RSPO2: variants seen among roughly 807,000 people sequenced by gnomAD.
RSPO2 encodes R-spondin-2.
In RSPO2, 14 loss-of-function variants were observed where a neutral mutation model predicts 30.9. That is an observed-to-expected ratio of 0.45 (90% CI 0.30 to 0.71). The LOEUF (loss-of-function observed/expected upper bound fraction) is 0.71. Ranked by LOEUF, RSPO2 falls within the 30% of genes least tolerant of loss-of-function variation. The probability of loss-of-function intolerance (pLI) is 0.08; values close to 1 mark genes in which losing one functional copy is unlikely to be tolerated. For missense variants in RSPO2, 264 were observed against 301.9 expected, an observed-to-expected ratio of 0.87 and a Z score of 0.93; for synonymous variants, 107 against 96.4, an observed-to-expected ratio of 1.11 and a Z score of -0.64.
At chr8:107,926,494 A>G (rs558239873) in intron 5 of RSPO2, among the ~76,000 whole-genome samples, 271 of 151,850 alleles carry the variant, frequency 1.8e-3, no homozygotes, top group Middle Eastern at 6.8e-3. Context: ...TGTCCAGAAT[A>G]GTATTGCCTA....
At chr8:107,992,794 C>T (rs966822234) in intron 2 of RSPO2, among the ~76,000 whole-genome samples, 12 of 151,998 alleles carry the variant, frequency 7.9e-5, no homozygotes, top group Non-Finnish European at 4.4e-5. Flanking sequence ...ATTAGATAGC[C>T]GAGATACTAT....
chr8:107,985,551 T>C (rs1016656733), intron 3 of RSPO2, among the ~76,000 whole-genome samples: 1 of 152,196 alleles, frequency 6.6e-6, no homozygotes, highest in African/African-American at 2.4e-5. Context: ...CAAATACTCA[T>C]AGAAACAAAA....
At chr8:107,909,474 G>A (rs991579495) in intron 5 of RSPO2, among the ~76,000 whole-genome samples, 7 of 151,954 alleles carry the variant, frequency 4.6e-5, no homozygotes, top group Non-Finnish European at 5.9e-5. Flanking sequence ...TGTTGGTCAG[G>A]CTGGTCTCAA....
At chr8:108,031,650 A>T (rs1478303819) in intron 2 of RSPO2, among the ~76,000 whole-genome samples, 1 of 152,232 alleles carries the variant, frequency 6.6e-6, no homozygotes, top group Non-Finnish European at 1.5e-5. Flanking sequence ...TGAATAGATT[A>T]AAAACAATGT....
chr8:108,050,350 G>A (rs1204338650), intron 2 of RSPO2, among the ~76,000 whole-genome samples: 1 of 152,086 alleles, frequency 6.6e-6, no homozygotes, highest in African/African-American at 2.4e-5. Flanking sequence ...AAGAGTTTGT[G>A]CAAGAGTGAG....
At chr8:107,915,522 G>A (rs572812628) in intron 5 of RSPO2, among the ~76,000 whole-genome samples, 16 of 152,256 alleles carry the variant, frequency 1.1e-4, no homozygotes, top group African/African-American at 3.6e-4. Context: ...AGAATAGAAG[G>A]ATAGTTTGGA....
intron 5 of RSPO2, among the ~76,000 whole-genome samples, chr8:107,906,204 T>G (rs2130254040): frequency 6.6e-6 from 1 of 151,976 alleles, no homozygotes; most frequent in African/African-American, 2.4e-5. Context: ...TAATCTAAAC[T>G]TGGACAAAGA....
At chr8:107,927,347 G>T (rs1360202248) in intron 5 of RSPO2, among the ~76,000 whole-genome samples, 1 of 152,140 alleles carries the variant, frequency 6.6e-6, no homozygotes, top group African/African-American at 2.4e-5. Flanking sequence ...TGCAAACAGG[G>T]ACAATTTGAC....
At chr8:108,022,559 G>A (rs1470793018) in intron 2 of RSPO2, among the ~76,000 whole-genome samples, 1 of 152,102 alleles carries the variant, frequency 6.6e-6, no homozygotes, top group Non-Finnish European at 1.5e-5. Flanking sequence ...AAATCTGCTT[G>A]AGTAATCATT....
At chr8:107,948,950 T>G (rs1795303737) in intron 5 of RSPO2, among the ~76,000 whole-genome samples, 1 of 149,300 alleles carries the variant, frequency 6.7e-6, no homozygotes, top group African/African-American at 2.4e-5. Flanking sequence ...CCCTGCAATA[T>G]AATAGGTCTG....
chr8:107,993,985 A>G (rs1209786325), intron 2 of RSPO2, among the ~76,000 whole-genome samples: 1 of 152,144 alleles, frequency 6.6e-6, no homozygotes, highest in Admixed American at 6.6e-5. Context: ...TGCATCTGCA[A>G]AGACCCTGTT....
At position 107,983,536 on chromosome 8, in the gene RSPO2, C is replaced by T. The variant is rs931675848; in HGVS notation, c.283+5520G>A. 8.1e-6 allele frequency: 13 copies of T among 1,600,164 alleles called. No individual in the cohort carries two copies. In the African/African-American group the frequency reaches 9.4e-5, roughly 12 times the overall value. ...GATCTTTGACAGGGATCCAGACACA[C>T]TACTATATTTACTTCAGCAAAAGAG... On this transcript the variant is annotated intron_variant, in intron 3 of 5. Coordinates refer to ENST00000276659, the MANE Select transcript of RSPO2 (RefSeq NM_178565.5).
At chr8:107,932,933 G>A (rs1812595563) in intron 5 of RSPO2, among the ~76,000 whole-genome samples, 1 of 152,130 alleles carries the variant, frequency 6.6e-6, no homozygotes, top group Non-Finnish European at 1.5e-5. Flanking sequence ...AAACTTTGAT[G>A]TACTAGAAGG....
At chr8:107,916,330 G>A (rs951934595) in intron 5 of RSPO2, among the ~76,000 whole-genome samples, 1 of 152,138 alleles carries the variant, frequency 6.6e-6, no homozygotes, top group African/African-American at 2.4e-5. Flanking sequence ...CTGAGGACAT[G>A]TGGAGTTAGC....
chr8:108,041,839 C>A (rs1215388756), intron 2 of RSPO2, among the ~76,000 whole-genome samples: 3 of 152,004 alleles, frequency 2.0e-5, no homozygotes, highest in African/African-American at 7.2e-5. Flanking sequence ...CCTCCCTAGG[C>A]AGCAGGGGGT....
intron 2 of RSPO2, among the ~76,000 whole-genome samples, chr8:108,021,585 G>A (rs1011669844): frequency 1.3e-5 from 2 of 152,164 alleles, no homozygotes; most frequent in African/African-American, 4.8e-5. Context: ...ATACCCTCCA[G>A]TGTGCTAGGG....
At chr8:108,017,485 C>T (rs1005953138) in intron 2 of RSPO2, among the ~76,000 whole-genome samples, 3 of 152,164 alleles carry the variant, frequency 2.0e-5, no homozygotes, top group African/African-American at 7.2e-5. Flanking sequence ...AAGCTAAATA[C>T]TTCTCTTCCA....
intron 3 of RSPO2, among the ~76,000 whole-genome samples, chr8:107,961,913 T>C (rs1813639804): frequency 6.6e-6 from 1 of 152,204 alleles, no homozygotes; most frequent in Admixed American, 6.5e-5. Flanking sequence ...CCAGAACATC[T>C]GGGCCAGAAA....
At chr8:107,943,816 C>A (rs1335144361) in intron 5 of RSPO2, among the ~76,000 whole-genome samples, 2 of 152,210 alleles carry the variant, frequency 1.3e-5, no homozygotes, top group African/African-American at 4.8e-5. Flanking sequence ...ATATCACTCT[C>A]ACCATGTAAA....
Sources: allele counts gnomAD v4.1 joint callset (sites outside exome capture counted in the v4.1 genomes callset), GRCh38; gene constraint gnomAD v4.1.1; transcripts MANE v1.5; gene names NCBI Gene and HGNC (gene_info 2026-07-23, HGNC 2026-07-21).